Variants in SGF29 observed in about 807,000 individuals in gnomAD.
The protein encoded by SGF29 is SAGA-associated factor 29.
In SGF29, 15 loss-of-function variants were observed where a neutral mutation model predicts 38.1. The observed-to-expected ratio is 0.39, with a 90% CI of 0.26 to 0.61. SGF29 has a LOEUF of 0.61. Among genes scored for constraint, SGF29 ranks in the 20% least tolerant of loss-of-function variants. The pLI is 0.49. For missense variants in SGF29, 184 were observed against 394.6 expected (o/e 0.47, Z 4.52); for synonymous variants, 151 against 160.8 (o/e 0.94, Z 0.46).
chr16:28,556,151 A>G (rs1413311067), intron 1 of SGF29, among the ~76,000 whole-genome samples: 1 of 152,114 alleles, frequency 6.6e-6, no homozygotes, highest in Non-Finnish European at 1.5e-5. Flanking sequence ...TAACCAATTG[A>G]TGAATATAGA....
chr16:28,584,129 T>C (rs2046941886), intron 2 of SGF29, among the ~76,000 whole-genome samples: 1 of 151,818 alleles, frequency 6.6e-6, no homozygotes, highest in African/African-American at 2.4e-5. Flanking sequence ...TAGCTAGGAC[T>C]ATACGCACAT....
At chr16:28,563,715 CTTTTTTT>C (rs11445174) in intron 1 of SGF29, among the ~76,000 whole-genome samples, 6 of 80,824 alleles carry the variant, frequency 7.4e-5, no homozygotes, top group Non-Finnish European at 1.4e-4. Flanking sequence ...GAGAAACAGA[CTTTTTTT>C]TTTTTTTTTT....
At chr16:28,584,510 C>T (rs1046593829) in intron 2 of SGF29, among the ~76,000 whole-genome samples, 2 of 151,988 alleles carry the variant, frequency 1.3e-5, no homozygotes, top group African/African-American at 4.8e-5. Flanking sequence ...AAAAATTAGG[C>T]CGGGCGCATT....
intron 1 of SGF29, among the ~76,000 whole-genome samples, chr16:28,576,343 C>T (rs963309118): frequency 1.3e-5 from 2 of 151,998 alleles, no homozygotes; most frequent in East Asian, 3.9e-4. Context: ...ACAACAGACC[C>T]CCATGACACA....
intron 4 of SGF29, 79 bp from the exon 5 acceptor site, chr16:28,589,021 C>G: frequency 1.9e-6 from 3 of 1,539,364 alleles, no homozygotes; most frequent in Non-Finnish European, 2.7e-6. Flanking sequence ...GTAGCTTGAC[C>G]CAAAACAGAA....
rs2046822071 is a variant in SGF29 at position 28,564,717 on chromosome 16, GTATATATATACA to G, written c.-16+10628_-16+10639del. ...TATATGTATATATATACATATATAT[GTATATATATACA>G]TATATATGTATATATGTATATATAT... On this transcript the variant is annotated intron_variant, in intron 1 of 9. Transcript: ENST00000317058. 9.7e-5 allele frequency among the ~76,000 whole-genome samples: 6 copies of G among 61,670 alleles called. 1 individual carries two copies. Among genetic ancestry groups the G allele is most frequent in the Admixed American group, 4.3e-4 (2 of 4,598 alleles). The allele number at this position is 61,670 out of a possible 152,430, so 40.5% of individuals were successfully genotyped here. A position where few individuals can be genotyped will look rare whatever the true frequency, so the allele number is the denominator to read the frequency against.
At chr16:28,562,149 C>T (rs902068586) in intron 1 of SGF29, among the ~76,000 whole-genome samples, 70 of 152,240 alleles carry the variant, frequency 4.6e-4, no homozygotes, top group African/African-American at 1.7e-3. Context: ...TTTGCTTGTG[C>T]GATTGGCTCT....
chr16:28,558,998 A>G (rs2151640874), intron 1 of SGF29, among the ~76,000 whole-genome samples: 1 of 152,300 alleles, frequency 6.6e-6, no homozygotes, highest in East Asian at 1.9e-4. Context: ...CTTGTGACTA[A>G]CATAACACTG....
chr16:28,554,856 C>G (rs2046738233), intron 1 of SGF29, among the ~76,000 whole-genome samples: 1 of 152,220 alleles, frequency 6.6e-6, no homozygotes, highest in Admixed American at 6.5e-5. Context: ...AGTTAGGTCT[C>G]AGTCCTGTTC....
chr16:28,586,552 G>A (rs889447362), intron 4 of SGF29, among the ~76,000 whole-genome samples: 4 of 151,596 alleles, frequency 2.6e-5, no homozygotes, highest in African/African-American at 9.7e-5. Flanking sequence ...TGGAAACACT[G>A]TTTCCTTGAA....
chr16:28,584,300 C>A (rs2046942640), intron 2 of SGF29, among the ~76,000 whole-genome samples: 1 of 151,890 alleles, frequency 6.6e-6, no homozygotes, highest in African/African-American at 2.4e-5. Context: ...CCTTTAAGGC[C>A]TTTTATAATG....
chr16:28,565,647 G>A (rs891355878), intron 1 of SGF29, among the ~76,000 whole-genome samples: 19 of 151,856 alleles, frequency 1.3e-4, no homozygotes, highest in Admixed American at 8.5e-4. Context: ...ACAGGCACCC[G>A]CCACCACACC....
intron 1 of SGF29, among the ~76,000 whole-genome samples, chr16:28,557,731 C>G (rs1479364931): frequency 6.6e-6 from 1 of 152,124 alleles, no homozygotes; most frequent in Non-Finnish European, 1.5e-5. Context: ...TAGAGGACAT[C>G]CAGCGTGTAT....
At chr16:28,566,560 G>A (rs929279326) in intron 1 of SGF29, among the ~76,000 whole-genome samples, 3 of 151,966 alleles carry the variant, frequency 2.0e-5, no homozygotes, top group Non-Finnish European at 4.4e-5. Context: ...GAGCCAAGGT[G>A]GGCAAATCAC....
At chr16:28,577,690 A>C (rs1424506220) in intron 1 of SGF29, among the ~76,000 whole-genome samples, 1 of 152,112 alleles carries the variant, frequency 6.6e-6, no homozygotes, top group African/African-American at 2.4e-5. Context: ...TGTCTTCAGT[A>C]GTTTTGACTT....
chr16:28,560,112 C>T (rs1026113548), intron 1 of SGF29, among the ~76,000 whole-genome samples: 19 of 151,384 alleles, frequency 1.3e-4, no homozygotes, highest in Admixed American at 7.3e-4. Context: ...CGTGGTGGTA[C>T]ACAGGAGGCT....
At chr16:28,580,033 T>C (rs1359132846) in intron 1 of SGF29, among the ~76,000 whole-genome samples, 1 of 152,122 alleles carries the variant, frequency 6.6e-6, no homozygotes, top group African/African-American at 2.4e-5. Context: ...TCCCAAAATA[T>C]AGCAGAGATG....
intron 1 of SGF29, among the ~76,000 whole-genome samples, chr16:28,557,698 A>G (rs2046761011): frequency 6.6e-6 from 1 of 152,100 alleles, no homozygotes; most frequent in African/African-American, 2.4e-5. Context: ...GTCTGGGTGG[A>G]TAGTGTTGGA....
At chr16:28,578,678 C>G (rs189313695) in intron 1 of SGF29, among the ~76,000 whole-genome samples, 1 of 64,560 alleles carries the variant, frequency 1.5e-5, no homozygotes, top group Non-Finnish European at 2.9e-5. Context: ...GTTAGTTGAA[C>G]AACTTTAAAA....
Sources: gnomAD v4.1 joint callset for allele counts (sites outside exome capture counted in the v4.1 genomes callset) on GRCh38, gnomAD v4.1.1 for gene constraint, MANE v1.5 for transcripts, NCBI Gene and HGNC (gene_info 2026-07-23, HGNC 2026-07-21) for gene names.